Variants in PCDHGB3 observed in about 807,000 individuals in gnomAD.
The protein encoded by PCDHGB3 is protocadherin gamma subfamily B, 3.
A neutral mutation model predicts 59.2 loss-of-function variants in PCDHGB3; 40 were observed. The ratio of observed to expected loss-of-function variants is 0.68; its 90% CI spans 0.52 to 0.88. PCDHGB3 has a LOEUF of 0.88. PCDHGB3 is among the 40% of genes least tolerant of loss of function. PCDHGB3 has a pLI of 0.00. For missense variants in PCDHGB3, 1,309 were observed against 1,187.9 expected, an observed-to-expected ratio of 1.10 and a Z score of -1.50; for synonymous variants, 581 against 503.6, an observed-to-expected ratio of 1.15 and a Z score of -2.06.
chr5:141,482,505 C>T (rs1183998287), intron 1 of PCDHGB3, among the ~76,000 whole-genome samples: 1 of 122,986 alleles, frequency 8.1e-6, no homozygotes, highest in African/African-American at 3.4e-5. Context: ...TTCTGGTACC[C>T]AGAGTACAGT....
chr5:141,384,386 T>A (rs1208791457), intron 1 of PCDHGB3: 1 of 1,613,954 alleles, frequency 6.2e-7, no homozygotes, highest in South Asian at 1.1e-5. Flanking sequence ...GAAGACACCA[T>A]CCAGGGGGCT....
chr5:141,509,421 A>T (rs939726886), intron 3 of PCDHGB3, among the ~76,000 whole-genome samples: 5 of 152,088 alleles, frequency 3.3e-5, no homozygotes, highest in Non-Finnish European at 1.5e-5. Context: ...AGCCCCAATG[A>T]GTCAAACTCT....
In PCDHGB3 at chr5:141,476,327, G is replaced by A. The variant is rs2099389169; in HGVS notation, c.2416-18480G>A. The A allele has an allele frequency of 1.2e-6, 2 of 1,614,192 alleles. No individual in the cohort carries two copies. Among genetic ancestry groups the A allele is most frequent in the African/African-American group, 1.3e-5 (1 of 75,046 alleles). On this transcript the variant is annotated intron_variant, in intron 1 of 3. Transcript: ENST00000576222. The surrounding 1 kb of genome is among the most constrained non-coding windows in gnomAD (Gnocchi z 7.6). ...AGCCCGCAGGTTCCGGGTGGTGTCT[G>A]GAGCTAGCCGAAGATTCTTTGAGGT...
At position 141,490,742 on chromosome 5, in the gene PCDHGB3, C is replaced by A. The variant is rs1281337347; in HGVS notation, c.2416-4065C>A. 1.2e-6 allele frequency: 2 copies of A among 1,614,062 alleles called. No homozygotes were observed. Among genetic ancestry groups the A allele is most frequent in the Non-Finnish European group, 1.7e-6 (2 of 1,180,022 alleles). On this transcript the variant is annotated intron_variant, in intron 1 of 3. Coordinates refer to ENST00000576222, the MANE Select transcript of PCDHGB3 (RefSeq NM_018924.5). This position sits in a 1 kb window ranked among gnomAD's most constrained non-coding sequence, Gnocchi z 5.4. ...ATTGTAGGAAATCAGGTTCAGGGAGCCCCAGCCTCCTCCTTTGTGTATGTC... is the reference window on the plus strand; with the variant it reads ...ATTGTAGGAAATCAGGTTCAGGGAGACCCAGCCTCCTCCTTTGTGTATGTC...
chr5:141,510,839 C>T (rs186647886), intron 3 of PCDHGB3, 108 bp from the exon 4 acceptor site: 36 of 1,586,990 alleles, frequency 2.3e-5, no homozygotes, highest in Non-Finnish European at 3.1e-5. Context: ...TCAGCGTGGT[C>T]AAGGCCCAGG....
At chr5:141,401,255 T>C (rs56773894) in intron 1 of PCDHGB3, among the ~76,000 whole-genome samples, 18,026 of 152,078 alleles carry the variant, frequency 0.12, 1,226 homozygotes, top group African/African-American at 0.18. Flanking sequence ...GACAGGAGAA[T>C]TGCTTGAACC....
At chr5:141,400,999 TCCTA>T (rs1239504565) in intron 1 of PCDHGB3, among the ~76,000 whole-genome samples, 2 of 152,226 alleles carry the variant, frequency 1.3e-5, no homozygotes, top group African/African-American at 2.4e-5. Flanking sequence ...GCTTTCTTAT[TCCTA>T]CCTAATGGAT....
At chr5:141,466,107 G>T (rs1463944825) in intron 1 of PCDHGB3, among the ~76,000 whole-genome samples, 1 of 151,928 alleles carries the variant, frequency 6.6e-6, no homozygotes, top group East Asian at 1.9e-4. Flanking sequence ...GGGCAACAGA[G>T]TGAGACTCCA....
intron 1 of PCDHGB3, among the ~76,000 whole-genome samples, chr5:141,483,631 T>C (rs973545851): frequency 2.7e-5 from 4 of 149,022 alleles, no homozygotes; most frequent in African/African-American, 1.0e-4. Flanking sequence ...TGGGAGAAGG[T>C]ATAGAGGGGT....
At chr5:141,404,446 G>A (rs1211285523) in intron 1 of PCDHGB3, 2 of 1,612,974 alleles carry the variant, frequency 1.2e-6, no homozygotes, top group East Asian at 2.2e-5. Context: ...CCATCCAAGG[G>A]TCTCCTCTCT....
intron 1 of PCDHGB3, among the ~76,000 whole-genome samples, chr5:141,464,022 TG>T (rs948245337): frequency 1.3e-5 from 2 of 151,716 alleles, no homozygotes; most frequent in African/African-American, 4.8e-5. Context: ...TCCCACACTT[TG>T]GGAGGCCAAG....
intron 1 of PCDHGB3, chr5:141,413,290 A>T: frequency 6.2e-7 from 1 of 1,613,924 alleles, no homozygotes; most frequent in Non-Finnish European, 8.5e-7. Context: ...CTCCTACTCA[A>T]TTCCTGAGGA....
chr5:141,390,182 A>G (rs771358768), intron 1 of PCDHGB3: 5 of 1,613,870 alleles, frequency 3.1e-6, no homozygotes, highest in Non-Finnish European at 1.7e-6. Flanking sequence ...ATTTCCTAAA[A>G]TGTAGTGAGC....
Position 141,486,880 on chromosome 5 carries a change from G to T in PCDHGB3, c.2416-7927G>T. On this transcript the variant is annotated intron_variant, in intron 1 of 3. Transcript: ENST00000576222. The surrounding 1 kb of genome is among the most constrained non-coding windows in gnomAD (Gnocchi z 5.0). The stretch of plus-strand genomic sequence containing the variant: ...ATGCTCCAGCTGTGCTCCGTCCTCG[G>T]GCCCGGCCTGGTTCCTTATGTCCCC... The T allele has an allele frequency of 6.2e-7, 1 of 1,614,212 alleles. No homozygotes were observed. Among genetic ancestry groups the T allele is most frequent in the East Asian group, 2.2e-5 (1 of 44,882 alleles).
At chr5:141,392,665 T>C (rs1169450587) in intron 1 of PCDHGB3, 3 of 818,380 alleles carry the variant, frequency 3.7e-6, no homozygotes, top group Non-Finnish European at 5.4e-6. Context: ...TGCCACAAAC[T>C]AACTGCTGGA....
chr5:141,398,914 C>G, intron 1 of PCDHGB3: 1 of 1,613,964 alleles, frequency 6.2e-7, no homozygotes, highest in Non-Finnish European at 8.5e-7. Flanking sequence ...CACTGTGTTG[C>G]AAGTGTCAGC....
At chr5:141,383,279 A>G in intron 1 of PCDHGB3, 7 of 1,613,948 alleles carry the variant, frequency 4.3e-6, no homozygotes, top group Non-Finnish European at 5.9e-6. Context: ...ATAGATATTA[A>G]TGACAACGTT....
Position 141,489,213 on chromosome 5 carries a change from T to G in PCDHGB3, c.2416-5594T>G, listed in dbSNP as rs372898969. 11 of 1,473,392 alleles carry G rather than the reference T, an allele frequency of 7.5e-6. No homozygotes were observed. The highest frequency in any genetic ancestry group is 6.4e-6 in the Non-Finnish European group (7 of 1,091,332). 91.3% of individuals were successfully genotyped at this position (1,473,392 alleles called of 1,614,324 possible). On this transcript the variant is annotated intron_variant, in intron 1 of 3. Coordinates refer to ENST00000576222, the MANE Select transcript of PCDHGB3 (RefSeq NM_018924.5). This position sits in a 1 kb window ranked among gnomAD's most constrained non-coding sequence, Gnocchi z 4.5. Reference sequence around the variant, plus strand: ...ACCTTGGAGACAGGACAGCACAGACTTACTCTCCACAAAGGGACTTCTGGG... The same window carrying G: ...ACCTTGGAGACAGGACAGCACAGACGTACTCTCCACAAAGGGACTTCTGGG...
In PCDHGB3 at chr5:141,477,669, T is replaced by C; in HGVS notation, c.2416-17138T>C. Reference sequence around the variant, plus strand: ...TTCACAATAAATCGTGACAATGGCATAGTGTCATCCTTAGTGCCCCTAGAC... The same window carrying C: ...TTCACAATAAATCGTGACAATGGCACAGTGTCATCCTTAGTGCCCCTAGAC... On this transcript the variant is annotated intron_variant, in intron 1 of 3. Coordinates refer to ENST00000576222, the MANE Select transcript of PCDHGB3 (RefSeq NM_018924.5). This position sits in a 1 kb window ranked among gnomAD's most constrained non-coding sequence, Gnocchi z 4.9. 6.2e-7 allele frequency: 1 copy of C among 1,614,200 alleles called. No individual in the cohort carries two copies. Among genetic ancestry groups the C allele is most frequent in the Non-Finnish European group, 8.5e-7 (1 of 1,180,030 alleles).
Sources: allele counts gnomAD v4.1 joint callset (sites outside exome capture counted in the v4.1 genomes callset), GRCh38; gene constraint gnomAD v4.1.1; non-coding constraint Gnocchi (gnomAD v3.1); transcripts MANE v1.5; gene names NCBI Gene and HGNC (gene_info 2026-07-23, HGNC 2026-07-21).